DMGDH: variants seen among roughly 807,000 people sequenced by gnomAD.
The protein encoded by DMGDH is dimethylglycine dehydrogenase.
Under a neutral mutation model 95.2 loss-of-function variants are expected in DMGDH, and 76 were observed. That is an observed-to-expected ratio of 0.80 (90% CI 0.66 to 0.97). The LOEUF (loss-of-function observed/expected upper bound fraction) is 0.97. Ranked by LOEUF, DMGDH falls within the 50% of genes least tolerant of loss-of-function variation. DMGDH has a pLI of 0.00. For synonymous variants in DMGDH, 345 were observed against 377.6 expected (o/e 0.91, Z 1.00); for missense variants, 987 against 1,055.0 (o/e 0.94, Z 0.89).
chr5:79,032,879 C>T (rs755949189), intron 8 of DMGDH, 39 bp from the exon 9 acceptor site: 1 of 1,610,410 alleles, frequency 6.2e-7, no homozygotes, highest in South Asian at 1.1e-5. Flanking sequence ...CACATATAGC[C>T]AAAACAACAA....
intron 14 of DMGDH, among the ~76,000 whole-genome samples, chr5:79,009,949 A>G (rs1321822062): frequency 6.6e-6 from 1 of 152,230 alleles, no homozygotes; most frequent in Non-Finnish European, 1.5e-5. Flanking sequence ...TTTCTTTAAT[A>G]AGTCATTGCC....
At chr5:79,058,721 A>T (rs1755105135) in intron 2 of DMGDH, among the ~76,000 whole-genome samples, 1 of 152,244 alleles carries the variant, frequency 6.6e-6, no homozygotes, top group South Asian at 2.1e-4. Context: ...ATAAATTAAG[A>T]ATTTGTAAAT....
In DMGDH at chr5:79,063,667, T is replaced by A. The variant is rs1175254929; in HGVS notation, c.222A>T (p.Lys74Asn). 6.2e-7 allele frequency: 1 copy of A among 1,614,070 alleles called. No homozygotes were observed. The highest frequency in any genetic ancestry group is 1.3e-5 in the African/African-American group (1 of 74,924). The stretch of plus-strand genomic sequence containing the variant: ...CTGATTTCTCCAGCAGGACCACATC[T>A]TTCATCCCTGCTTTGGCCAGGTGAT... ...LAYHLAKAGM[K>N]DVVLLEKSEL... The change falls in exon 2 of 16, where the codon AAA becomes AAT. Residue 74 changes from lysine to asparagine, a missense_variant. Lys to Asn is a moderately conservative substitution (Grantham distance 94). Transcript: ENST00000255189.
chr5:79,029,009 C>A (rs1424348986), intron 11 of DMGDH, among the ~76,000 whole-genome samples: 1 of 152,148 alleles, frequency 6.6e-6, no homozygotes, highest in African/African-American at 2.4e-5. Context: ...TTCTCTAATA[C>A]CTGTACACAG....
chr5:79,061,220 A>AACACACACAC lies in DMGDH; in HGVS notation c.276+2383_276+2392dup, dbSNP rs34931005. Reference sequence around the variant, plus strand: ...GGTGACAGAGTGAAACTCTGTCTCAAACACACACACACACACACACACACA... The same window carrying AACACACACAC: ...GGTGACAGAGTGAAACTCTGTCTCAAACACACACACACACACACACACACACACACACACA... On this transcript the variant is annotated intron_variant, in intron 2 of 15. Transcript: ENST00000255189. Among the ~76,000 whole-genome samples the AACACACACAC allele has an allele frequency of 3.3e-3, 464 of 141,718 alleles. 2 individuals are homozygous for AACACACACAC. The highest frequency in any genetic ancestry group is 6.2e-3 in the African/African-American group (228 of 36,742). 93.0% of individuals were successfully genotyped at this position (141,718 alleles called of 152,430 possible).
At chr5:79,064,453 G>C (rs986657885) in intron 1 of DMGDH, among the ~76,000 whole-genome samples, 4 of 152,140 alleles carry the variant, frequency 2.6e-5, no homozygotes, top group Non-Finnish European at 5.9e-5. Flanking sequence ...ATGAGTCTGA[G>C]TGAGAGGTGA....
intron 14 of DMGDH, among the ~76,000 whole-genome samples, chr5:79,018,609 AC>A (rs1278579175): frequency 6.6e-6 from 1 of 152,142 alleles, no homozygotes; most frequent in Non-Finnish European, 1.5e-5. Context: ...TGATGGTTTC[AC>A]TGCTGTATCA....
chr5:79,018,976 C>T (rs549714172), intron 14 of DMGDH, among the ~76,000 whole-genome samples: 68 of 152,200 alleles, frequency 4.5e-4, no homozygotes, highest in Non-Finnish European at 7.1e-4. Context: ...CTCCTTTCTC[C>T]TCTCCTTCCC....
At chr5:79,056,725 C>T (rs1303090541) in intron 2 of DMGDH, among the ~76,000 whole-genome samples, 2 of 151,240 alleles carry the variant, frequency 1.3e-5, no homozygotes, top group Non-Finnish European at 2.9e-5. Context: ...CATGGTGGTG[C>T]AAGCCTGCAG....
At chr5:79,033,948 C>G (rs1754267317) in intron 7 of DMGDH, among the ~76,000 whole-genome samples, 1 of 151,994 alleles carries the variant, frequency 6.6e-6, no homozygotes, top group Non-Finnish European at 1.5e-5. Flanking sequence ...CAAAACAAAA[C>G]AAAAACCAAC....
At chr5:79,006,850 C>CG (rs1554033740) in intron 14 of DMGDH, among the ~76,000 whole-genome samples, 2 of 147,568 alleles carry the variant, frequency 1.4e-5, no homozygotes, top group African/African-American at 5.0e-5. Context: ...CTGAGACCCC[C>CG]CCAGTCCATT....
rs771037679 is a variant in DMGDH, at chr5:79,027,840, C to CT, written c.2032+592dup. On this transcript the variant is annotated intron_variant, in intron 12 of 15. Transcript: ENST00000255189. ...TCAGCCAATCCTCTTCCCCACTTTTCTTTTTTTTTTTTTTTTTTGAGATGC... is the reference window on the plus strand; with the variant it reads ...TCAGCCAATCCTCTTCCCCACTTTTCTTTTTTTTTTTTTTTTTTTGAGATGC... 9.5e-3 allele frequency among the ~76,000 whole-genome samples: 1,044 copies of CT among 109,456 alleles called. 14 individuals are homozygous for CT. The highest frequency in any genetic ancestry group is 0.016 in the East Asian group (66 of 4,176). 71.8% of individuals were successfully genotyped at this position (109,456 alleles called of 152,430 possible).
intron 7 of DMGDH, among the ~76,000 whole-genome samples, chr5:79,033,754 G>T (rs1308033831): frequency 6.6e-6 from 1 of 152,128 alleles, no homozygotes; most frequent in Non-Finnish European, 1.5e-5. Context: ...AACAAAGTGA[G>T]AACTCATCGC....
chr5:79,043,399 G>A (rs759302381), intron 6 of DMGDH, among the ~76,000 whole-genome samples: 3 of 152,202 alleles, frequency 2.0e-5, no homozygotes, highest in Non-Finnish European at 4.4e-5. Context: ...GAGCAATTCT[G>A]CTCAGGCCCA....
chr5:79,033,253 C>G lies in DMGDH; in HGVS notation c.1349G>C (p.Gly450Ala). Residue 450 changes from glycine (G) to alanine (A), a missense_variant, in exon 8 of 16, where the codon GGA becomes GCA. Physicochemically the swap from Gly to Ala is moderately conservative, Grantham distance 60 (BLOSUM62 0). Coordinates refer to ENST00000255189, the MANE Select transcript of DMGDH (RefSeq NM_013391.3). The part of the protein sequence containing the change: ...YTEAKARESY[G>A]FNNIVGYPKE... ...TTGTACCTTACCAATATTGTTGAAT[C>G]CATATGATTCTCTTGCTTTGGCCTC... is the stretch of plus-strand genomic sequence containing the variant. 1.2e-6 allele frequency: 2 copies of G among 1,614,104 alleles called. No individual in the cohort carries two copies. The highest frequency in any genetic ancestry group is 1.3e-5 in the African/African-American group (1 of 75,028).
intron 4 of DMGDH, among the ~76,000 whole-genome samples, chr5:79,053,067 G>A (rs1385741331): frequency 6.6e-6 from 1 of 150,958 alleles, no homozygotes; most frequent in Non-Finnish European, 1.5e-5. Flanking sequence ...ATGAGCTTGG[G>A]CTCACTATGT....
At chr5:79,017,185 A>G (rs1222475628) in intron 14 of DMGDH, among the ~76,000 whole-genome samples, 1 of 152,210 alleles carries the variant, frequency 6.6e-6, no homozygotes, top group East Asian at 1.9e-4. Flanking sequence ...AGAACAATTG[A>G]TAAGAACTTT....
At chr5:79,000,633 T>G (rs1337084942) in intron 15 of DMGDH, 2 of 615,256 alleles carry the variant, frequency 3.3e-6, no homozygotes, top group Non-Finnish European at 6.3e-6. Context: ...CATCTTCCTC[T>G]TCAGTTTCTT....
chr5:79,054,461 G>T, intron 3 of DMGDH, 113 bp from the exon 4 acceptor site: 1 of 1,061,218 alleles, frequency 9.4e-7, no homozygotes, highest in Non-Finnish European at 1.4e-6. Context: ...TATTACGAGT[G>T]AAAGAAATAA....
Sources: gnomAD v4.1 joint callset for allele counts (sites outside exome capture counted in the v4.1 genomes callset) on GRCh38, gnomAD v4.1.1 for gene constraint, MANE v1.5 for transcripts, NCBI Gene and HGNC (gene_info 2026-07-23, HGNC 2026-07-21) for gene names.